The following SDK1 variants were observed in gnomAD, a reference collection of about 807,000 sequenced individuals.
The protein encoded by SDK1 is protein sidekick-1.
In SDK1, 157 loss-of-function variants were observed where a neutral mutation model predicts 245.5. The observed-to-expected ratio is 0.64, with a 90% CI of 0.56 to 0.73. The LOEUF (loss-of-function observed/expected upper bound fraction) is 0.73, where lower values mean the gene tolerates loss of function less well. Among genes scored for constraint, SDK1 ranks in the 30% least tolerant of loss-of-function variants. SDK1 has a pLI of 0.00. For synonymous variants in SDK1, 1,647 were observed against 1,278.5 expected, an observed-to-expected ratio of 1.29 and a Z score of -6.15; for missense variants, 3,583 against 3,002.3, an observed-to-expected ratio of 1.19 and a Z score of -4.52.
rs1405027501 is a variant in SDK1 at position 4,237,735 on chromosome 7, C to T, written c.6081C>T (p.Phe2027=). ...TGATCGTCATCCTGCTGGTGGTGTT[C>T]GCCCTCGTCCTGCACGGGCAGAATA... ...SSLIVILLVV[F]ALVLHGQNKK... is the part of the protein sequence containing the mutation. The change falls in exon 42 of 45, where the codon TTC becomes TTT. Residue 2027 remains phenylalanine (F), a synonymous_variant. Transcript: ENST00000404826. 9 of 1,614,136 alleles carry T rather than the reference C, an allele frequency of 5.6e-6. No homozygotes were observed. The highest frequency in any genetic ancestry group is 3.3e-5 in the South Asian group (3 of 91,080).
intron 17 of SDK1, among the ~76,000 whole-genome samples, chr7:4,033,960 G>GA (rs957245350): frequency 2.0e-5 from 3 of 151,644 alleles, no homozygotes; most frequent in Admixed American, 6.6e-5. Flanking sequence ...CATCACAAAG[G>GA]AAAAAAAACG....
chr7:3,612,680 A>G (rs1781631540), intron 1 of SDK1, among the ~76,000 whole-genome samples: 1 of 152,180 alleles, frequency 6.6e-6, no homozygotes, highest in Non-Finnish European at 1.5e-5. Context: ...AGAAGTTTTG[A>G]AAGGAAGATT....
intron 1 of SDK1, among the ~76,000 whole-genome samples, chr7:3,424,014 C>G (rs527309510): frequency 1.3e-5 from 2 of 151,646 alleles, no homozygotes; most frequent in African/African-American, 4.9e-5. Flanking sequence ...CAGGTTCAAG[C>G]GATCCTCCTA....
At chr7:3,853,656 C>A (rs1780472099) in intron 5 of SDK1, among the ~76,000 whole-genome samples, 1 of 151,956 alleles carries the variant, frequency 6.6e-6, no homozygotes, top group Non-Finnish European at 1.5e-5. Flanking sequence ...CTGAGATGCC[C>A]CAGTGAGCTT....
intron 13 of SDK1, among the ~76,000 whole-genome samples, chr7:3,975,932 A>AG (rs1382532013): frequency 1.5e-5 from 2 of 137,040 alleles, no homozygotes; most frequent in African/African-American, 2.7e-5. Flanking sequence ...AGAATCACTG[A>AG]GGGTCCCGGG....
intron 42 of SDK1, among the ~76,000 whole-genome samples, chr7:4,239,868 T>C (rs10255750): frequency 0.29 from 44,057 of 152,014 alleles, 6,926 homozygotes; most frequent in African/African-American, 0.42. Context: ...AAAGAGGAGC[T>C]GGCTACATTA....
chr7:3,411,670 C>T (rs1168874847), intron 1 of SDK1, among the ~76,000 whole-genome samples: 3 of 152,118 alleles, frequency 2.0e-5, no homozygotes, highest in East Asian at 1.9e-4. Context: ...TGAAAAAGCT[C>T]CCTATTAATG....
chr7:3,786,769 G>T (rs1363955717), intron 4 of SDK1, among the ~76,000 whole-genome samples: 2 of 152,074 alleles, frequency 1.3e-5, no homozygotes, highest in Non-Finnish European at 2.9e-5. Flanking sequence ...ACCTGTGCCT[G>T]TGCTTTACAG....
At chr7:3,904,731 C>T (rs544197360) in intron 5 of SDK1, among the ~76,000 whole-genome samples, 18 of 152,096 alleles carry the variant, frequency 1.2e-4, no homozygotes, top group African/African-American at 4.1e-4. Flanking sequence ...CGGTGGCTCA[C>T]GCCTGTAATC....
chr7:3,433,299 C>A (rs1779921559), intron 1 of SDK1, among the ~76,000 whole-genome samples: 2 of 152,222 alleles, frequency 1.3e-5, no homozygotes, highest in Admixed American at 1.3e-4. Flanking sequence ...CATGCTTTCA[C>A]ACTTCAAAAG....
At chr7:3,340,883 G>GA (rs1780330514) in intron 1 of SDK1, among the ~76,000 whole-genome samples, 4 of 151,578 alleles carry the variant, frequency 2.6e-5, no homozygotes, top group South Asian at 2.1e-4. Flanking sequence ...CCTTAAAAAA[G>GA]AAAAAATCTC....
intron 1 of SDK1, among the ~76,000 whole-genome samples, chr7:3,500,715 AT>A (rs1583958383): frequency 1.3e-5 from 2 of 152,100 alleles, no homozygotes; most frequent in East Asian, 3.8e-4. Context: ...TTCTAGAGTC[AT>A]TTCATTAATG....
chr7:3,496,761 C>T (rs1369557350), intron 1 of SDK1, among the ~76,000 whole-genome samples: 1 of 152,128 alleles, frequency 6.6e-6, no homozygotes, highest in Non-Finnish European at 1.5e-5. Context: ...AAGCATAAAA[C>T]GTGCCATTGG....
intron 1 of SDK1, among the ~76,000 whole-genome samples, chr7:3,432,696 C>A (rs911622798): frequency 6.6e-6 from 1 of 152,152 alleles, no homozygotes; most frequent in Non-Finnish European, 1.5e-5. Context: ...GTAGCCTGCA[C>A]TGTCATAGAA....
In SDK1 at chr7:4,265,187, G is replaced by C. The variant is rs1583207966; in HGVS notation, c.6445G>C (p.Asp2149His). ...CTCCTTCGTGAACCACTACATGAGC[G>C]ACCCCACCTACTACAACTCATGGAA... ...KHSFVNHYMS[D>H]PTYYNSWKRR... The change falls in exon 45 of 45, where the codon GAC (aspartate) becomes CAC (histidine). Residue 2149 changes from aspartate (D) to histidine (H), a missense_variant. Coordinates refer to ENST00000404826, the MANE Select transcript of SDK1 (RefSeq NM_152744.4). The C allele has an allele frequency of 6.2e-7, 1 of 1,612,178 alleles. No homozygotes were observed. Among genetic ancestry groups the C allele is most frequent in the Non-Finnish European group, 8.5e-7 (1 of 1,179,636 alleles).
intron 5 of SDK1, among the ~76,000 whole-genome samples, chr7:3,821,798 C>T (rs551329194): frequency 8.6e-5 from 13 of 151,952 alleles, no homozygotes; most frequent in African/African-American, 3.1e-4. Context: ...AGTGGTACTT[C>T]TGAATGCCAG....
intron 4 of SDK1, among the ~76,000 whole-genome samples, chr7:3,789,160 T>A (rs1420876558): frequency 6.6e-6 from 1 of 152,158 alleles, no homozygotes; most frequent in Non-Finnish European, 1.5e-5. Context: ...AGCTGCTTTT[T>A]TTTTTGGACG....
chr7:3,572,133 A>G (rs1301514634), intron 1 of SDK1, among the ~76,000 whole-genome samples: 1 of 152,102 alleles, frequency 6.6e-6, no homozygotes, highest in Non-Finnish European at 1.5e-5. Context: ...CTCAACAAAC[A>G]TCCACTGGGC....
intron 1 of SDK1, among the ~76,000 whole-genome samples, chr7:3,500,395 C>T (rs904251729): frequency 1.3e-5 from 2 of 151,896 alleles, no homozygotes; most frequent in African/African-American, 2.4e-5. Flanking sequence ...ATTTTTTCTA[C>T]CCTCTTTCTT....
Sources: gnomAD v4.1 joint callset for allele counts (sites outside exome capture counted in the v4.1 genomes callset) on GRCh38, gnomAD v4.1.1 for gene constraint, MANE v1.5 for transcripts, NCBI Gene and HGNC (gene_info 2026-07-23, HGNC 2026-07-21) for gene names.